The following NKAIN2 variants were observed in gnomAD, a reference collection of about 807,000 sequenced individuals.
NKAIN2 encodes sodium/potassium-transporting ATPase subunit beta-1-interacting protein 2.
A neutral mutation model predicts 32.6 loss-of-function variants in NKAIN2; 14 were observed. The ratio of observed to expected loss-of-function variants is 0.43; its 90% CI spans 0.28 to 0.67. The LOEUF is 0.67. Among genes scored for constraint, NKAIN2 ranks in the 30% least tolerant of loss-of-function variants. NKAIN2 has a pLI of 0.17. For missense variants in NKAIN2, 198 were observed against 258.3 expected (o/e 0.77, Z 1.60); for synonymous variants, 80 against 87.2 (o/e 0.92, Z 0.46).
intron 4 of NKAIN2, among the ~76,000 whole-genome samples, chr6:124,773,735 C>A (rs746542592): frequency 1.8e-4 from 27 of 151,980 alleles, no homozygotes; most frequent in Non-Finnish European, 3.8e-4. Context: ...TTCATGTATC[C>A]GATTAAATTA....
chr6:124,679,153 A>AAAAT lies in NKAIN2; in HGVS notation c.474+20770_474+20773dup, dbSNP rs548234540. On this transcript the variant is annotated intron_variant, in intron 4 of 6. Transcript: ENST00000368417. Reference sequence around the variant, plus strand: ...CAGTCCCTGGACAGCCCACCCCCAAAAAATAATCCTGAATATTGCAAACAC... The same window carrying AAAAT: ...CAGTCCCTGGACAGCCCACCCCCAAAAAATAAATAATCCTGAATATTGCAAACAC... 7.2e-5 allele frequency among the ~76,000 whole-genome samples: 11 copies of AAAAT among 151,846 alleles called. No individual in the cohort carries two copies. In the South Asian group the frequency reaches 2.3e-3, roughly 32 times the overall value.
intron 2 of NKAIN2, among the ~76,000 whole-genome samples, chr6:124,333,629 C>CG (rs1198779760): frequency 6.6e-6 from 1 of 151,614 alleles, no homozygotes; most frequent in Non-Finnish European, 1.5e-5. Flanking sequence ...CACTGCACTC[C>CG]GGCCTAGGTG....
intron 2 of NKAIN2, among the ~76,000 whole-genome samples, chr6:124,287,833 A>G (rs1484008512): frequency 6.6e-6 from 1 of 152,226 alleles, no homozygotes; most frequent in Non-Finnish European, 1.5e-5. Flanking sequence ...GAGCTGCTTT[A>G]GATTATCTAA....
At chr6:124,780,781 C>G (rs1050181995) in intron 4 of NKAIN2, among the ~76,000 whole-genome samples, 7 of 152,178 alleles carry the variant, frequency 4.6e-5, no homozygotes, top group African/African-American at 1.7e-4. Context: ...ATTAGTGACT[C>G]ACCAATATAT....
intron 3 of NKAIN2, among the ~76,000 whole-genome samples, chr6:124,566,089 C>T (rs112850841): frequency 7.2e-5 from 11 of 152,280 alleles, no homozygotes; most frequent in African/African-American, 2.2e-4. Flanking sequence ...GCACCAATTC[C>T]GATTACCTCC....
At chr6:124,049,645 G>T (rs1188010587) in intron 1 of NKAIN2, among the ~76,000 whole-genome samples, 2 of 151,964 alleles carry the variant, frequency 1.3e-5, no homozygotes, top group African/African-American at 2.4e-5. Flanking sequence ...TTTAAATTGT[G>T]CCTCATTCTA....
intron 4 of NKAIN2, among the ~76,000 whole-genome samples, chr6:124,720,593 A>G (rs753281231): frequency 6.6e-6 from 1 of 152,170 alleles, no homozygotes. Flanking sequence ...ACTTAAAATG[A>G]CATTTATTTC....
At chr6:124,711,684 A>G (rs1775469034) in intron 4 of NKAIN2, among the ~76,000 whole-genome samples, 2 of 151,430 alleles carry the variant, frequency 1.3e-5, no homozygotes, top group Non-Finnish European at 2.9e-5. Flanking sequence ...TCCTTTAAGC[A>G]TTTCTCTGTA....
intron 3 of NKAIN2, among the ~76,000 whole-genome samples, chr6:124,476,164 C>T (rs1268237954): frequency 2.0e-5 from 3 of 150,396 alleles, no homozygotes; most frequent in Admixed American, 6.7e-5. Flanking sequence ...GACTTTAAAA[C>T]AAAGCCCTTC....
chr6:124,709,481 G>T (rs984659102), intron 4 of NKAIN2, among the ~76,000 whole-genome samples: 3 of 151,742 alleles, frequency 2.0e-5, no homozygotes, highest in African/African-American at 7.3e-5. Context: ...GACTCTTTAT[G>T]GTTGGTAAGC....
chr6:124,141,743 T>C (rs1173738654), intron 1 of NKAIN2, among the ~76,000 whole-genome samples: 1 of 152,062 alleles, frequency 6.6e-6, no homozygotes, highest in African/African-American at 2.4e-5. Flanking sequence ...TCAATATTGG[T>C]TCCCTTGTTC....
At chr6:124,059,998 A>G (rs1782849795) in intron 1 of NKAIN2, among the ~76,000 whole-genome samples, 2 of 152,218 alleles carry the variant, frequency 1.3e-5, no homozygotes, top group East Asian at 1.9e-4. Flanking sequence ...TTTTTTGTCT[A>G]TGAGTGTTTC....
intron 1 of NKAIN2, among the ~76,000 whole-genome samples, chr6:124,036,987 A>C (rs920844928): frequency 1.3e-5 from 2 of 152,118 alleles, no homozygotes; most frequent in Non-Finnish European, 2.9e-5. Flanking sequence ...GCAACTCAGT[A>C]TTCCCGAGAG....
chr6:124,359,259 CT>C (rs370260944), intron 3 of NKAIN2, among the ~76,000 whole-genome samples: 1 of 152,038 alleles, frequency 6.6e-6, no homozygotes, highest in East Asian at 1.9e-4. Flanking sequence ...AATGTGGGCT[CT>C]TTTTTGTTCC....
At chr6:124,156,982 A>C (rs1354712120) in intron 1 of NKAIN2, among the ~76,000 whole-genome samples, 1 of 150,988 alleles carries the variant, frequency 6.6e-6, no homozygotes, top group Non-Finnish European at 1.5e-5. Context: ...GCACATCTGT[A>C]GTTCCAGCTA....
chr6:124,218,801 G>A (rs1307567015), intron 1 of NKAIN2, among the ~76,000 whole-genome samples: 1 of 152,036 alleles, frequency 6.6e-6, no homozygotes, highest in Non-Finnish European at 1.5e-5. Context: ...TGTAACTCCT[G>A]GTGACAGCTA....
intron 2 of NKAIN2, among the ~76,000 whole-genome samples, chr6:124,311,836 TA>T (rs1277391233): frequency 6.6e-6 from 1 of 152,168 alleles, no homozygotes; most frequent in African/African-American, 2.4e-5. Flanking sequence ...TTCCTGTTTA[TA>T]AAAAATATGT....
intron 4 of NKAIN2, among the ~76,000 whole-genome samples, chr6:124,749,343 T>A (rs1191869870): frequency 2.0e-5 from 3 of 151,918 alleles, no homozygotes; most frequent in Non-Finnish European, 4.4e-5. Flanking sequence ...ATCTGTAACC[T>A]TTTTCATATC....
intron 3 of NKAIN2, among the ~76,000 whole-genome samples, chr6:124,454,424 AG>A (rs1776243703): frequency 6.6e-6 from 1 of 152,056 alleles, no homozygotes; most frequent in African/African-American, 2.4e-5. Context: ...ATTTTCCTGT[AG>A]TTGTGCTCTA....
Sources: allele counts gnomAD v4.1 joint callset (sites outside exome capture counted in the v4.1 genomes callset), GRCh38; gene constraint gnomAD v4.1.1; transcripts MANE v1.5; gene names NCBI Gene and HGNC (gene_info 2026-07-23, HGNC 2026-07-21).